Variants in DNAH7 observed in about 807,000 individuals in gnomAD.
DNAH7 encodes axonemal beta dynein heavy chain 7.
DNAH7 carries 397 observed loss-of-function variants against 444.6 expected under a neutral mutation model. That is an observed-to-expected ratio of 0.89 (90% confidence interval 0.82 to 0.97). DNAH7 has a LOEUF of 0.97. Among genes scored for constraint, DNAH7 ranks in the 50% least tolerant of loss-of-function variants. DNAH7 has a pLI of 0.00. For missense variants in DNAH7, 4,902 were observed against 4,800.8 expected, an observed-to-expected ratio of 1.02 and a Z score of -0.62; for synonymous variants, 1,636 against 1,624.4, an observed-to-expected ratio of 1.01 and a Z score of -0.17.
chr2:196,038,689 T>A (rs2125822156), intron 5 of DNAH7, among the ~76,000 whole-genome samples: 1 of 152,294 alleles, frequency 6.6e-6, no homozygotes, highest in East Asian at 1.9e-4. Flanking sequence ...GCATGGTATA[T>A]CTTCACTTTT....
In DNAH7 at chr2:195,791,249, C is replaced by T. The variant is rs144019947; in HGVS notation, c.10716+3089G>A. ...TTGGGAGGTGAAGGCGCGTGGATCA[C>T]GAGGTCAGGAGATCGAGACCATCCT... On this transcript the variant is annotated intron_variant, in intron 57 of 64. Coordinates refer to ENST00000312428, the MANE Select transcript of DNAH7 (RefSeq NM_018897.3). Among the ~76,000 whole-genome samples the T allele has an allele frequency of 3.3e-3, 505 of 151,976 alleles. 8 individuals carry two copies. Among genetic ancestry groups the T allele is most frequent in the Non-Finnish European group, 9.0e-4 (61 of 67,980 alleles).
At position 195,922,171 on chromosome 2, in the gene DNAH7, G is replaced by A. The variant is rs1322112086; in HGVS notation, c.3852C>T (p.Ile1284=). ...CATATCCATATCGCAAACCAGCATT[G>A]ATCATTTTTGTTTCTAAATGATTTT... ...WQENHLETKM[I]NAGLRYGYEY... Residue 1284 remains isoleucine (I), a synonymous_variant, in exon 24 of 65, where the codon ATC becomes ATT. Transcript: ENST00000312428. The A allele has an allele frequency of 3.1e-6, 5 of 1,611,424 alleles. No individual in the cohort carries two copies. Among genetic ancestry groups the A allele is most frequent in the Non-Finnish European group, 3.4e-6 (4 of 1,177,872 alleles).
At chr2:195,871,758 C>T (rs1159295662) in intron 40 of DNAH7, among the ~76,000 whole-genome samples, 1 of 83,686 alleles carries the variant, frequency 1.2e-5, no homozygotes, top group Non-Finnish European at 2.1e-5. Flanking sequence ...GGTGAAACCC[C>T]GTCTCTACTA....
chr2:195,874,541 T>C lies in DNAH7; in HGVS notation c.6287-847A>G, dbSNP rs1372688669. 2.7e-5 allele frequency among the ~76,000 whole-genome samples: 4 copies of C among 149,200 alleles called. No homozygotes were observed. The East Asian group carries it at 7.8e-4, about 29-fold the overall frequency. On this transcript the variant is annotated intron_variant, in intron 38 of 64. Transcript: ENST00000312428. Reference sequence around the variant, plus strand: ...AGTATAAATGCCTGGCTTGGGGTGGTGGGGGAGAGACAAAGTGGAACTGAA... The same window carrying C: ...AGTATAAATGCCTGGCTTGGGGTGGCGGGGGAGAGACAAAGTGGAACTGAA...
chr2:195,981,674 A>T (rs1238633070), intron 15 of DNAH7, among the ~76,000 whole-genome samples: 1 of 152,164 alleles, frequency 6.6e-6, no homozygotes, highest in Non-Finnish European at 1.5e-5. Flanking sequence ...TCTACAGTGA[A>T]CTCATTTTCG....
intron 63 of DNAH7, among the ~76,000 whole-genome samples, chr2:195,754,134 TC>T (rs1354626451): frequency 6.6e-6 from 1 of 152,182 alleles, no homozygotes; most frequent in Non-Finnish European, 1.5e-5. Context: ...GCTTGATCAT[TC>T]CCCCTCACCC....
intron 36 of DNAH7, among the ~76,000 whole-genome samples, chr2:195,879,060 G>T (rs1299315130): frequency 6.6e-6 from 1 of 151,908 alleles, no homozygotes; most frequent in Non-Finnish European, 1.5e-5. Flanking sequence ...TCAATAGGAA[G>T]AACAAAATAT....
At chr2:195,952,206 A>T (rs1176899477) in intron 19 of DNAH7, among the ~76,000 whole-genome samples, 1 of 152,188 alleles carries the variant, frequency 6.6e-6, no homozygotes, top group African/African-American at 2.4e-5. Context: ...GTTTGGCTGG[A>T]TATAAAATTC....
chr2:195,831,067 G>A (rs954838853), intron 48 of DNAH7, among the ~76,000 whole-genome samples: 1 of 152,092 alleles, frequency 6.6e-6, no homozygotes, highest in Admixed American at 6.5e-5. Context: ...AGAAAAGTAA[G>A]GAAGGCTCAG....
chr2:195,804,450 G>A (rs1032782246), intron 54 of DNAH7, among the ~76,000 whole-genome samples: 1 of 152,068 alleles, frequency 6.6e-6, no homozygotes, highest in African/African-American at 2.4e-5. Flanking sequence ...TGGAGGTGTC[G>A]CTAATGGTAC....
intron 61 of DNAH7, among the ~76,000 whole-genome samples, chr2:195,761,231 A>G (rs1694334999): frequency 6.6e-6 from 1 of 152,074 alleles, no homozygotes; most frequent in African/African-American, 2.4e-5. Flanking sequence ...TCTTAACAGC[A>G]GAACTAATCA....
chr2:196,009,255 G>GC (rs933966574), intron 10 of DNAH7, among the ~76,000 whole-genome samples: 20 of 152,122 alleles, frequency 1.3e-4, no homozygotes, highest in African/African-American at 4.8e-4. Context: ...AAATGAAAAT[G>GC]TTCTGGAACT....
At chr2:195,849,768 A>AT (rs1415350687) in intron 46 of DNAH7, among the ~76,000 whole-genome samples, 1 of 151,834 alleles carries the variant, frequency 6.6e-6, no homozygotes, top group Non-Finnish European at 1.5e-5. Flanking sequence ...TGCCCGGATA[A>AT]TTTTTTGTAT....
chr2:195,746,630 A>G (rs973640405), intron 63 of DNAH7, among the ~76,000 whole-genome samples: 1 of 152,232 alleles, frequency 6.6e-6, no homozygotes, highest in Non-Finnish European at 1.5e-5. Flanking sequence ...AAAGAATAGA[A>G]ATTATAACAA....
chr2:195,856,922 C>T (rs888455320), intron 44 of DNAH7, among the ~76,000 whole-genome samples: 11 of 152,042 alleles, frequency 7.2e-5, no homozygotes, highest in Non-Finnish European at 1.0e-4. Context: ...TTAAACCACA[C>T]ATTAAAGAGA....
chr2:195,842,411 T>C (rs1698740194), intron 47 of DNAH7, among the ~76,000 whole-genome samples: 1 of 152,040 alleles, frequency 6.6e-6, no homozygotes, highest in African/African-American at 2.4e-5. Flanking sequence ...CCTCTGTGAG[T>C]GCTCAATATT....
chr2:195,929,029 AG>A (rs1277016545), intron 21 of DNAH7, among the ~76,000 whole-genome samples: 2 of 152,196 alleles, frequency 1.3e-5, no homozygotes, highest in African/African-American at 4.8e-5. Context: ...GTAAAGTTTC[AG>A]GATATAAAAT....
chr2:195,869,954 C>A (rs561929941), intron 40 of DNAH7, among the ~76,000 whole-genome samples: 1 of 152,302 alleles, frequency 6.6e-6, no homozygotes, highest in African/African-American at 2.4e-5. Context: ...ACTCAATAAT[C>A]TGACATCTAA....
At chr2:196,038,382 A>G (rs1696526523) in intron 5 of DNAH7, among the ~76,000 whole-genome samples, 1 of 150,244 alleles carries the variant, frequency 6.7e-6, no homozygotes, top group Admixed American at 6.6e-5. Flanking sequence ...TACTTTATAG[A>G]AGAACACCAA....
Sources: gnomAD v4.1 joint callset for allele counts (sites outside exome capture counted in the v4.1 genomes callset) on GRCh38, gnomAD v4.1.1 for gene constraint, MANE v1.5 for transcripts, NCBI Gene and HGNC (gene_info 2026-07-23, HGNC 2026-07-21) for gene names.